Variants in HLA-DQB1 observed in about 807,000 individuals in gnomAD.
The protein encoded by HLA-DQB1 is HLA class II histocompatibility antigen, DQ beta 1 chain.
HLA-DQB1 carries 13 observed loss-of-function variants against 26.4 expected under a neutral mutation model. That is an observed-to-expected ratio of 0.49 (90% CI 0.32 to 0.78). The LOEUF (loss-of-function observed/expected upper bound fraction) is 0.78. Among genes scored for constraint, HLA-DQB1 ranks in the 30% least tolerant of loss-of-function variants. The pLI is 0.03. For synonymous variants in HLA-DQB1, 60 were observed against 129.1 expected (o/e 0.46, Z 3.63); for missense variants, 158 against 326.2 (o/e 0.48, Z 3.97).
chr6:32,665,135 C>A, intron 1 of HLA-DQB1, 68 bp from the exon 2 acceptor site: 2 of 962,676 alleles, frequency 2.1e-6, no homozygotes, highest in Non-Finnish European at 2.9e-6. Flanking sequence ...CGCCCTGACC[C>A]GGCCTGGAGC....
intron 2 of HLA-DQB1, 121 bp downstream of exon 2, chr6:32,664,674 CTTT>C: frequency 2.9e-6 from 1 of 345,128 alleles, no homozygotes; most frequent in South Asian, 3.4e-5. Flanking sequence ...CCGCCGCCTC[CTTT>C]CCCCTGGGGT....
Position 32,664,858 on chromosome 6 carries a change from A to C in HLA-DQB1, c.319T>G (p.Leu107Val), listed in dbSNP as rs9274384. 0.24 allele frequency: 242,401 copies of C among 1,031,444 alleles called. 66,528 individuals are homozygous for C. The highest frequency in any genetic ancestry group is 0.31 in the South Asian group (21,592 of 70,110). The allele number at this position is 1,031,444 out of a possible 1,614,324, so 63.9% of individuals were successfully genotyped here. A position where few individuals can be genotyped will look rare whatever the true frequency, so the allele number is the denominator to read the frequency against. ...TAGTTGTGTCTGCACACCGTGTCCA[A>C]CTCCGCCCGGGTCCCCTCCAGGACT... is the stretch of plus-strand genomic sequence containing the variant. Residue 107 changes from leucine to valine, a missense_variant, in exon 2 of 5, where the codon TTG (leucine) becomes GTG (valine). Transcript: ENST00000434651.
chr6:32,664,792 G>C lies in HLA-DQB1; in HGVS notation c.379+6C>G, dbSNP rs281862130. 9.8e-7 allele frequency: 1 copy of C among 1,020,502 alleles called. No homozygotes were observed. The highest frequency in any genetic ancestry group is 1.5e-5 in the South Asian group (1 of 67,762). The allele number at this position is 1,020,502 out of a possible 1,614,324, so 63.2% of individuals were successfully genotyped here. On this transcript the variant is annotated splice_donor_region_variant and intron_variant, in intron 2 of 4. Transcript: ENST00000434651. Reference sequence around the variant, plus strand: ...GTGGGCCTCACGGAGGGGCGACGACGCTCACCTCTCCTCTGCAAGATCCCG... The same window carrying C: ...GTGGGCCTCACGGAGGGGCGACGACCCTCACCTCTCCTCTGCAAGATCCCG...
chr6:32,663,725 T>C (rs281863281), intron 2 of HLA-DQB1: 1 of 148,002 alleles, frequency 6.8e-6, no homozygotes, highest in African/African-American at 2.5e-5. Context: ...GCTTCCTGAA[T>C]GGGTAAAATT....
At chr6:32,665,288 A>C (rs28746806) in intron 1 of HLA-DQB1, among the ~76,000 whole-genome samples, 45,923 of 128,116 alleles carry the variant, frequency 0.36, 9,384 homozygotes, top group East Asian at 0.49. Flanking sequence ...CAGGAAAGGG[A>C]GGAAAGCCCT....
chr6:32,661,739 T>A (rs9273808), intron 3 of HLA-DQB1: 4 of 472,580 alleles, frequency 8.5e-6, no homozygotes, highest in African/African-American at 8.1e-5. Flanking sequence ...CTCAGAGCTA[T>A]CAGGACTGGG....
At chr6:32,665,615 C>T (rs9274457) in intron 1 of HLA-DQB1, among the ~76,000 whole-genome samples, 1 of 128,860 alleles carries the variant, frequency 7.8e-6, no homozygotes, top group African/African-American at 2.8e-5. Context: ...AAAGGACCTA[C>T]ACCTCTGAGT....
intron 1 of HLA-DQB1, among the ~76,000 whole-genome samples, chr6:32,666,164 A>G (rs9274498): frequency 0.2 from 29,453 of 146,482 alleles, 3,308 homozygotes; most frequent in South Asian, 0.36. Context: ...CGCCTAAATG[A>G]CAAATCCTGC....
intron 3 of HLA-DQB1, chr6:32,661,732 A>C (rs28724249): frequency 0.17 from 63,841 of 370,866 alleles, 9,403 homozygotes; most frequent in Middle Eastern, 0.27. Flanking sequence ...TCAGTCCCTC[A>C]GAGCTATCAG....
exon 3 of HLA-DQB1, chr6:32,661,986 G>A (rs281864131): frequency 1.9e-6 from 3 of 1,554,468 alleles, no homozygotes; most frequent in Non-Finnish European, 1.8e-6. Context: ...CGGTGATGGG[G>A]CTCTGGAGGC....
At chr6:32,660,710 T>C (rs34750967) in intron 4 of HLA-DQB1, 14,442 of 466,250 alleles carry the variant, frequency 0.031, 2,060 homozygotes, top group East Asian at 0.19. Context: ...TGGAGATTCC[T>C]AGAAACTGGC....
Position 32,665,072 on chromosome 6 carries a change from G to A in HLA-DQB1, c.110-5C>T. 7.5e-7 allele frequency: 1 copy of A among 1,334,898 alleles called. No homozygotes were observed. Among genetic ancestry groups the A allele is most frequent in the East Asian group, 2.5e-5 (1 of 40,356 alleles). The allele number at this position is 1,334,898 out of a possible 1,614,324, so 82.7% of individuals were successfully genotyped here. A position where few individuals can be genotyped will look rare whatever the true frequency, so the allele number is the denominator to read the frequency against. ...TAAACTGGAACACGAAATCCTCTGC[G>A]GGGAATCACCGGCCGGTCAGTCAGG... is the stretch of plus-strand genomic sequence containing the variant. On this transcript the variant is annotated splice_polypyrimidine_tract_variant and splice_region_variant and intron_variant, in intron 1 of 4. Transcript: ENST00000434651.
At chr6:32,660,190 A>G (rs1063346) in exon 5 of HLA-DQB1, 79,345 of 757,758 alleles carry the variant, frequency 0.1, 21,335 homozygotes, top group Admixed American at 0.32. Context: ...ATAAGCAGGC[A>G]TCACAGAAGA....
At chr6:32,662,210 C>A (rs9274019) in exon 3 of HLA-DQB1, 1 of 1,482,474 alleles carries the variant, frequency 6.7e-7, no homozygotes, top group Non-Finnish European at 9.1e-7. Flanking sequence ...TGGTTGAGGG[C>A]CTCTGTCCTG....
intron 3 of HLA-DQB1, 193 bp from the exon 4 acceptor site, chr6:32,661,650 A>C: frequency 2.4e-6 from 1 of 425,382 alleles, no homozygotes; most frequent in Non-Finnish European, 4.1e-6. Flanking sequence ...GAGAGTGGGG[A>C]AGCAAATCTC....
At position 32,665,087 on chromosome 6, in the gene HLA-DQB1, G is replaced by C. The variant is rs9274409; in HGVS notation, c.110-20C>G. Reference sequence around the variant, plus strand: ...AATCCTCTGCGGGGAATCACCGGCCGGTCAGTCAGGCCCCAGCCCGGCCGC... The same window carrying C: ...AATCCTCTGCGGGGAATCACCGGCCCGTCAGTCAGGCCCCAGCCCGGCCGC... On this transcript the variant is annotated intron_variant, in intron 1 of 4. Transcript: ENST00000434651. 3.4e-6 allele frequency: 4 copies of C among 1,185,346 alleles called. 1 individual carries two copies. Among genetic ancestry groups the C allele is most frequent in the Non-Finnish European group, 4.7e-6 (4 of 856,498 alleles). The allele number at this position is 1,185,346 out of a possible 1,614,324, so 73.4% of individuals were successfully genotyped here.
intron 3 of HLA-DQB1, 45 bp downstream of exon 3, chr6:32,661,922 T>TGCCCG (rs28986212): frequency 2.4e-6 from 3 of 1,231,956 alleles, no homozygotes; most frequent in Non-Finnish European, 3.3e-6. Context: ...GAAGGAGCTC[T>TGCCCG]TTGTCTTGTG....
At chr6:32,661,870 C>G in intron 3 of HLA-DQB1, 97 bp downstream of exon 3, 1 of 982,316 alleles carries the variant, frequency 1.0e-6, no homozygotes, top group South Asian at 1.6e-5. Context: ...ATTCCCAGCT[C>G]AGTAGTGACA....
intron 1 of HLA-DQB1, among the ~76,000 whole-genome samples, chr6:32,665,831 C>CTG (rs9282155): frequency 0.49 from 57,235 of 117,964 alleles, 16,279 homozygotes; most frequent in South Asian, 0.7. Context: ...AAGTATTGTT[C>CTG]TGTCTGAAGT....
Sources: allele counts gnomAD v4.1 joint callset (sites outside exome capture counted in the v4.1 genomes callset), GRCh38; gene constraint gnomAD v4.1.1; transcripts MANE v1.5; gene names NCBI Gene and HGNC (gene_info 2026-07-23, HGNC 2026-07-21).